The following KCNH8 variants were observed in gnomAD, a reference collection of about 807,000 sequenced individuals.
KCNH8 encodes voltage-gated delayed rectifier potassium channel KCNH8.
A neutral mutation model predicts 103.6 loss-of-function variants in KCNH8; 70 were observed. The ratio of observed to expected loss-of-function variants is 0.68; its 90% confidence interval spans 0.56 to 0.82. The LOEUF (loss-of-function observed/expected upper bound fraction) is 0.82. KCNH8 is among the 40% of genes least tolerant of loss of function. The pLI, the probability that KCNH8 is intolerant of heterozygous loss-of-function variation, is 0.00. For synonymous variants in KCNH8, 498 were observed against 489.4 expected, an observed-to-expected ratio of 1.02 and a Z score of -0.23; for missense variants, 1,217 against 1,329.9, an observed-to-expected ratio of 0.92 and a Z score of 1.32.
intron 11 of KCNH8, among the ~76,000 whole-genome samples, chr3:19,498,324 T>C (rs2068490413): frequency 1.3e-5 from 2 of 152,236 alleles, no homozygotes; most frequent in African/African-American, 4.8e-5. Context: ...GGCTGCTTTA[T>C]AGTGTCACTG....
intron 1 of KCNH8, among the ~76,000 whole-genome samples, chr3:19,246,256 AG>A (rs2064202922): frequency 6.7e-6 from 1 of 148,632 alleles, no homozygotes; most frequent in African/African-American, 2.5e-5. Context: ...AACTTTAAGA[AG>A]TTTTTTTGTT....
At chr3:19,327,643 C>T (rs1369010064) in intron 3 of KCNH8, among the ~76,000 whole-genome samples, 1 of 152,150 alleles carries the variant, frequency 6.6e-6, no homozygotes, top group African/African-American at 2.4e-5. Context: ...CCACCTTTTT[C>T]TCCTATCTTT....
At position 19,499,895 on chromosome 3, in the gene KCNH8, A is replaced by C. The variant is rs1258071934; in HGVS notation, c.2041-10468A>C. On this transcript the variant is annotated intron_variant, in intron 11 of 15. Transcript: ENST00000328405. ...AACTGCATCAACTAACGAGCAAAAT[A>C]ACCAGCTAACATCATAATGACAGGA... 9.2e-5 allele frequency among the ~76,000 whole-genome samples: 14 copies of C among 152,306 alleles called. No individual in the cohort carries two copies. The East Asian group carries it at 9.7e-4, about 11-fold the overall frequency.
chr3:19,198,604 T>C (rs1197838518), intron 1 of KCNH8, among the ~76,000 whole-genome samples: 2 of 152,034 alleles, frequency 1.3e-5, no homozygotes, highest in Non-Finnish European at 2.9e-5. Context: ...CATTTTAATA[T>C]TATAGAAGTA....
At chr3:19,489,819 A>G (rs1483491340) in intron 11 of KCNH8, among the ~76,000 whole-genome samples, 1 of 152,180 alleles carries the variant, frequency 6.6e-6, no homozygotes, top group African/African-American at 2.4e-5. Flanking sequence ...ATCAAATCCA[A>G]GCCAGGTCAA....
At chr3:19,208,640 C>A (rs1397995168) in intron 1 of KCNH8, among the ~76,000 whole-genome samples, 2 of 151,838 alleles carry the variant, frequency 1.3e-5, no homozygotes, top group Non-Finnish European at 2.9e-5. Context: ...AGAAGGAACC[C>A]CATATAAATT....
rs557867590 is a variant in KCNH8, at chr3:19,390,629, C to T, written c.960C>T (p.Asn320=). Residue 320 remains asparagine, a synonymous_variant, in exon 6 of 16, where the codon AAC becomes AAT. Transcript: ENST00000328405. ...CTTTTGATCTTCTGTATGCTTTCAA[C>T]GTCACAGTGGTGAGTAAAGAGCTCC... ...ALPFDLLYAF[N]VTVVSLVHLL... 18 of 1,612,762 alleles carry T rather than the reference C, an allele frequency of 1.1e-5. No homozygotes were observed. The highest frequency in any genetic ancestry group is 2.2e-5 in the East Asian group (1 of 44,838).
At chr3:19,270,196 T>C (rs2064568461) in intron 2 of KCNH8, among the ~76,000 whole-genome samples, 1 of 152,088 alleles carries the variant, frequency 6.6e-6, no homozygotes, top group African/African-American at 2.4e-5. Context: ...AAAAGCAAAG[T>C]TGAGTAGTTG....
intron 3 of KCNH8, among the ~76,000 whole-genome samples, chr3:19,283,787 T>A (rs2064789851): frequency 1.3e-5 from 2 of 150,702 alleles, no homozygotes; most frequent in South Asian, 4.2e-4. Context: ...AAAAATAAAT[T>A]AAAAATTAGC....
At chr3:19,180,566 G>A (rs1178667474) in intron 1 of KCNH8, among the ~76,000 whole-genome samples, 3 of 152,048 alleles carry the variant, frequency 2.0e-5, no homozygotes, top group African/African-American at 2.4e-5. Context: ...GCCTTATTTC[G>A]GGCAGGTTCT....
chr3:19,508,859 G>A (rs1048353213), intron 11 of KCNH8, among the ~76,000 whole-genome samples: 5 of 152,138 alleles, frequency 3.3e-5, no homozygotes, highest in African/African-American at 1.2e-4. Context: ...TCATCTAGTG[G>A]TAAACCACAC....
intron 4 of KCNH8, among the ~76,000 whole-genome samples, chr3:19,347,013 A>G (rs919205989): frequency 1.3e-5 from 2 of 152,126 alleles, no homozygotes; most frequent in African/African-American, 4.8e-5. Flanking sequence ...TCAGCTGCAC[A>G]GTGAACATTG....
At chr3:19,501,068 GAC>G (rs2068571856) in intron 11 of KCNH8, among the ~76,000 whole-genome samples, 1 of 151,942 alleles carries the variant, frequency 6.6e-6, no homozygotes, top group Admixed American at 6.6e-5. Flanking sequence ...GAATCAAATA[GAC>G]ACAATAAAAA....
At chr3:19,465,026 A>C (rs532938347) in intron 11 of KCNH8, among the ~76,000 whole-genome samples, 1 of 152,228 alleles carries the variant, frequency 6.6e-6, no homozygotes, top group Non-Finnish European at 1.5e-5. Context: ...TTTTGAAGGC[A>C]TTACTTAGAA....
At chr3:19,382,673 A>C (rs2066304045) in intron 5 of KCNH8, among the ~76,000 whole-genome samples, 1 of 150,526 alleles carries the variant, frequency 6.6e-6, no homozygotes, top group African/African-American at 2.4e-5. Context: ...CAGTAGTAAT[A>C]GTAATAATAA....
chr3:19,374,958 T>G (rs1404836795), intron 5 of KCNH8, among the ~76,000 whole-genome samples: 1 of 152,002 alleles, frequency 6.6e-6, no homozygotes, highest in East Asian at 1.9e-4. Context: ...GCTTGTAGGG[T>G]TTCTGCCGAG....
At chr3:19,279,832 G>A (rs1417526226) in intron 2 of KCNH8, among the ~76,000 whole-genome samples, 2 of 152,024 alleles carry the variant, frequency 1.3e-5, no homozygotes, top group East Asian at 1.9e-4. Flanking sequence ...TGAATACATA[G>A]CTGTGTTGGA....
chr3:19,329,424 G>A (rs1019390288), intron 3 of KCNH8, among the ~76,000 whole-genome samples: 13 of 152,140 alleles, frequency 8.5e-5, no homozygotes, highest in African/African-American at 3.1e-4. Flanking sequence ...TGTAGAAACA[G>A]CATAGGAACA....
At chr3:19,258,929 CTCTCTCTCTCTCTCTCTCTATATATATA>C (rs1273131468) in intron 2 of KCNH8, among the ~76,000 whole-genome samples, 4 of 82,428 alleles carry the variant, frequency 4.9e-5, no homozygotes, top group African/African-American at 9.7e-5. Flanking sequence ...CTCTCTCTCT[CTCTCTCTCTCTCTCTCTCTATATATATA>C]TATATATATA....
Sources: gnomAD v4.1 joint callset for allele counts (sites outside exome capture counted in the v4.1 genomes callset) on GRCh38, gnomAD v4.1.1 for gene constraint, MANE v1.5 for transcripts, NCBI Gene and HGNC (gene_info 2026-07-23, HGNC 2026-07-21) for gene names.